The following OLR1 variants were observed in gnomAD, a reference collection of about 807,000 sequenced individuals.
OLR1 encodes the protein oxidized low density lipoprotein receptor 1, also known as oxidized low-density lipoprotein receptor 1.
A neutral mutation model predicts 31.7 loss-of-function variants in OLR1; 23 were observed. The ratio of observed to expected loss-of-function variants is 0.72; its 90% CI spans 0.52 to 1.03. The LOEUF (loss-of-function observed/expected upper bound fraction) is 1.03. Ranked by LOEUF, OLR1 falls within the 50% of genes least tolerant of loss-of-function variation. The probability of loss-of-function intolerance (pLI) is 0.00; values close to 1 mark genes in which losing one functional copy is unlikely to be tolerated. For synonymous variants in OLR1, 117 were observed against 115.8 expected (o/e 1.01, Z -0.07); for missense variants, 286 against 315.7 (o/e 0.91, Z 0.71).
Position 10,159,903 on chromosome 12 carries a change from T to C in OLR1, c.799A>G (p.Lys267Glu), listed in dbSNP as rs143492178. The part of the protein sequence containing the change: ...ILAAFSICQK[K>E]ANLRAQ ...ATTCACTGTGCTCTTAGGTTTGCCT[T>C]CTTCTGACATATACTGAAGGCAGCT... is the stretch of plus-strand genomic sequence containing the variant. Residue 267 changes from lysine (K) to glutamate (E), a missense_variant, in exon 6 of 6, where the codon AAG (lysine) becomes GAG (glutamate). Coordinates refer to ENST00000309539, the MANE Select transcript of OLR1 (RefSeq NM_002543.4). 4 of 1,613,200 alleles carry C rather than the reference T, an allele frequency of 2.5e-6. No homozygotes were observed. In the African/African-American group the frequency reaches 4.0e-5, roughly 16 times the overall value.
chr12:10,160,695 TCAAA>T, intron 4 of OLR1, 87 bp downstream of exon 4: 1 of 1,512,916 alleles, frequency 6.6e-7, no homozygotes, highest in Non-Finnish European at 9.0e-7. Context: ...ATTTTGGCTC[TCAAA>T]CAAGAATTCC....
At chr12:10,164,063 T>C (rs1224693517) in intron 3 of OLR1, among the ~76,000 whole-genome samples, 5 of 152,266 alleles carry the variant, frequency 3.3e-5, no homozygotes, top group Admixed American at 3.3e-4. Context: ...ATATCACTTA[T>C]TGTTTTTTAT....
upstream of OLR1, among the ~76,000 whole-genome samples, chr12:10,173,140 A>G (rs1948737323): frequency 6.6e-6 from 1 of 152,186 alleles, no homozygotes; most frequent in Non-Finnish European, 1.5e-5. Context: ...AGACGCTTAC[A>G]TGAGAGACCC....
intron 3 of OLR1, among the ~76,000 whole-genome samples, chr12:10,165,501 G>A (rs1314475751): frequency 6.6e-6 from 1 of 152,084 alleles, no homozygotes; most frequent in Non-Finnish European, 1.5e-5. Context: ...GTGAGCTAAT[G>A]TAGAGTTAGG....
chr12:10,160,346 C>T lies in OLR1; in HGVS notation c.680+1G>A, dbSNP rs756698083. 1.9e-6 allele frequency: 3 copies of T among 1,609,704 alleles called. No homozygotes were observed. The highest frequency in any genetic ancestry group is 3.4e-5 in the Admixed American group (2 of 59,640). On this transcript the variant is annotated splice_donor_variant, in intron 5 of 5. Coordinates refer to ENST00000309539, the MANE Select transcript of OLR1 (RefSeq NM_002543.4). LOFTEE classifies it high-confidence loss of function. ...GGCATCAAAAAGAATGGGAAACTTA[C>T]AAGTGGGGCATCAAAGGAGAACCGT...
intron 1 of OLR1, chr12:10,170,468 G>A (rs1436508319): frequency 1.3e-5 from 2 of 150,504 alleles, no homozygotes; most frequent in African/African-American, 4.9e-5. Flanking sequence ...ACATTGTAGG[G>A]CATCAGATAC....
rs750740183 is a variant in OLR1 at position 10,169,031 on chromosome 12, AC to A, written c.178+42del. Reference sequence around the variant, plus strand: ...CATATTTATTAACCTCATTTCCAACACCCCTGCCCCAATAAACATCAGTTCC... The same window carrying A: ...CATATTTATTAACCTCATTTCCAACACCCTGCCCCAATAAACATCAGTTCC... On this transcript the variant is annotated intron_variant, in intron 2 of 5. Transcript: ENST00000309539. 12 of 1,354,006 alleles carry A rather than the reference AC, an allele frequency of 8.9e-6. No homozygotes were observed. The African/African-American group carries it at 1.6e-4, about 18-fold the overall frequency. 83.9% of individuals were successfully genotyped at this position (1,354,006 alleles called of 1,614,324 possible). A position where few individuals can be genotyped will look rare whatever the true frequency, so the allele number is the denominator to read the frequency against.
At chr12:10,160,488 T>G (rs1202944625) in intron 4 of OLR1, 26 bp from the exon 5 acceptor site, 1 of 1,543,440 alleles carries the variant, frequency 6.5e-7, no homozygotes. Flanking sequence ...TTTCTGAGTT[T>G]GTGGAATCCA....
chr12:10,165,093 T>C (rs948138494), intron 3 of OLR1, among the ~76,000 whole-genome samples: 2 of 152,080 alleles, frequency 1.3e-5, no homozygotes, highest in African/African-American at 4.8e-5. Context: ...TGAAACACCA[T>C]CTCTACTAAA....
chr12:10,163,736 G>T (rs925792778), intron 3 of OLR1, among the ~76,000 whole-genome samples: 40 of 152,216 alleles, frequency 2.6e-4, no homozygotes, highest in Admixed American at 8.5e-4. Flanking sequence ...TTCGAGACCA[G>T]CCTGACCAAC....
chr12:10,175,570 T>C (rs1948759565), upstream of OLR1: 3 of 152,378 alleles, frequency 2.0e-5, no homozygotes, highest in African/African-American at 7.2e-5. Context: ...TAAAACATTC[T>C]ATGATAAACT....
rs1315332802 is a variant in OLR1 at position 10,172,118 on chromosome 12, G to A, written c.-41C>T. The A allele has an allele frequency of 3.5e-6, 5 of 1,444,560 alleles. No homozygotes were observed. Among genetic ancestry groups the A allele is most frequent in the Non-Finnish European group, 3.9e-6 (4 of 1,027,852 alleles). The allele number at this position is 1,444,560 out of a possible 1,614,324, so 89.5% of individuals were successfully genotyped here. A position where few individuals can be genotyped will look rare whatever the true frequency, so the allele number is the denominator to read the frequency against. On this transcript the variant is annotated 5_prime_UTR_variant, in exon 1 of 6. Coordinates refer to ENST00000309539, the MANE Select transcript of OLR1 (RefSeq NM_002543.4). ...AAGAATGAGAGAGTGAAGCAGTCAC[G>A]AACTTCAACAAACTAAAAATATGTG...
chr12:10,165,685 C>CA (rs1948655626), intron 3 of OLR1, among the ~76,000 whole-genome samples: 1 of 151,266 alleles, frequency 6.6e-6, no homozygotes. Flanking sequence ...CACTTGAACC[C>CA]AGGAGGTGGA....
At chr12:10,175,186 G>A (rs916166387), upstream of OLR1, 8 of 152,186 alleles carry the variant, frequency 5.3e-5, no homozygotes, top group African/African-American at 1.9e-4. Flanking sequence ...GTGCTGGAAT[G>A]TATGTGATCA....
chr12:10,166,635 A>G, intron 3 of OLR1, 77 bp downstream of exon 3: 1 of 1,543,226 alleles, frequency 6.5e-7, no homozygotes, highest in Non-Finnish European at 8.9e-7. Flanking sequence ...TTTTGAGCCC[A>G]GAATTGTTTC....
At position 10,159,601 on chromosome 12, in the gene OLR1, T is replaced by G. The variant is rs867663831; in HGVS notation, c.*279A>C. 3.7e-6 allele frequency: 1 copy of G among 270,910 alleles called. No homozygotes were observed. The highest frequency in any genetic ancestry group is 2.1e-5 in the African/African-American group (1 of 46,990). The allele number at this position is 270,910 out of a possible 1,614,324, so 16.8% of individuals were successfully genotyped here. On this transcript the variant is annotated 3_prime_UTR_variant, in exon 6 of 6. Transcript: ENST00000309539. ...ACTGAGTTCAGAGGGTTTTCAAGCT[T>G]GAAGAGGAGTCAAATTTTAAAATAA...
At chr12:10,160,556 C>A in intron 4 of OLR1, 94 bp from the exon 5 acceptor site, 1 of 1,075,406 alleles carries the variant, frequency 9.3e-7, no homozygotes, top group South Asian at 1.4e-5. Context: ...ACTAAAGAAC[C>A]AAAAGGTATC....
At chr12:10,168,969 A>T in intron 2 of OLR1, 105 bp downstream of exon 2, 1 of 683,562 alleles carries the variant, frequency 1.5e-6, no homozygotes, top group East Asian at 2.9e-5. Flanking sequence ...ATCTATATCA[A>T]GGCTGTTTGT....
chr12:10,169,999 G>C (rs1283449704), intron 1 of OLR1, among the ~76,000 whole-genome samples: 1 of 151,784 alleles, frequency 6.6e-6, no homozygotes, highest in Non-Finnish European at 1.5e-5. Context: ...TCCTCACCTT[G>C]TGAGATAAAC....
Sources: gnomAD v4.1 joint callset for allele counts (sites outside exome capture counted in the v4.1 genomes callset) on GRCh38, gnomAD v4.1.1 for gene constraint, MANE v1.5 for transcripts, NCBI Gene and HGNC (gene_info 2026-07-23, HGNC 2026-07-21) for gene names.